AKR1B10: variants seen among roughly 807,000 people sequenced by gnomAD.
AKR1B10 encodes the protein aldo-keto reductase family 1 member B10.
In AKR1B10, 39 loss-of-function variants were observed where a neutral mutation model predicts 38.9. That is an observed-to-expected ratio of 1.00 (90% CI 0.78 to 1.31). AKR1B10 has a LOEUF of 1.31. AKR1B10 is among the 50% of genes most tolerant of loss of function. The pLI is 0.00. For synonymous variants in AKR1B10, 148 were observed against 141.2 expected, an observed-to-expected ratio of 1.05 and a Z score of -0.34; for missense variants, 361 against 382.6, an observed-to-expected ratio of 0.94 and a Z score of 0.47.
chr7:134,533,259 T>G (rs534524457), intron 4 of AKR1B10, among the ~76,000 whole-genome samples, 178 bp downstream of exon 4: 2 of 152,308 alleles, frequency 1.3e-5, no homozygotes, highest in African/African-American at 4.8e-5. Context: ...TGATACTATT[T>G]ATATTTCAAG....
chr7:134,528,792 G>A (rs746101356), intron 1 of AKR1B10, among the ~76,000 whole-genome samples: 1 of 152,130 alleles, frequency 6.6e-6, no homozygotes, highest in Non-Finnish European at 1.5e-5. Context: ...CAGAGTCTCA[G>A]GCTCCAACCC....
At position 134,532,811 on chromosome 7, in the gene AKR1B10, T is replaced by A. The variant is rs992901044; in HGVS notation, c.352-193T>A. On this transcript the variant is annotated intron_variant, in intron 3 of 9. Coordinates refer to ENST00000359579, the MANE Select transcript of AKR1B10 (RefSeq NM_020299.5). ...AAATCTTAAAGTCAAGCCAGTCGTT[T>A]CTAAAATATTAGTATGCTACAGTAG... Among the ~76,000 whole-genome samples, 7 of 152,214 alleles carry A rather than the reference T, an allele frequency of 4.6e-5. 1 individual carries two copies. Among genetic ancestry groups the A allele is most frequent in the Admixed American group, 3.9e-4 (6 of 15,280 alleles).
At chr7:134,539,248 T>C (rs1808088468) in intron 9 of AKR1B10, among the ~76,000 whole-genome samples, 1 of 152,140 alleles carries the variant, frequency 6.6e-6, no homozygotes, top group South Asian at 2.1e-4. Flanking sequence ...TAACAGAAGG[T>C]GGGTTGTCAA....
rs376944582 is a variant in AKR1B10 at position 134,536,792 on chromosome 7, A to T, written c.552+20A>T. On this transcript the variant is annotated intron_variant, in intron 5 of 9. Transcript: ENST00000359579. ...AACCAGGTAAATTCTATTCAGTTTA[A>T]GGGTAAGGGTCCTGCCCTATTACTT... The T allele has an allele frequency of 6.2e-7, 1 of 1,613,566 alleles. No individual in the cohort carries two copies. Among genetic ancestry groups the T allele is most frequent in the African/African-American group, 1.3e-5 (1 of 74,904 alleles).
chr7:134,530,377 A>G (rs1477215132), intron 1 of AKR1B10, among the ~76,000 whole-genome samples: 2 of 152,210 alleles, frequency 1.3e-5, no homozygotes, highest in Non-Finnish European at 2.9e-5. Flanking sequence ...AAAGTTTTGT[A>G]AAGTGTGTAT....
intron 5 of AKR1B10, 37 bp from the exon 6 acceptor site, chr7:134,537,014 C>T (rs781175644): frequency 2.1e-5 from 32 of 1,555,590 alleles, no homozygotes; most frequent in Middle Eastern, 1.7e-4. Flanking sequence ...AAAACAGAGC[C>T]GGCTTTCCCC....
chr7:134,532,116 G>T (rs2117540615), intron 3 of AKR1B10, 92 bp downstream of exon 3: 1 of 1,467,772 alleles, frequency 6.8e-7, no homozygotes. Flanking sequence ...GTGGACTGGG[G>T]CAGGAGGCCT....
chr7:134,528,551 C>T lies in AKR1B10; in HGVS notation c.66+574C>T, dbSNP rs112695543. 5.6e-3 allele frequency among the ~76,000 whole-genome samples: 853 copies of T among 152,224 alleles called. 4 individuals carry two copies. The highest frequency in any genetic ancestry group is 0.019 in the African/African-American group (809 of 41,536). On this transcript the variant is annotated intron_variant, in intron 1 of 9. Coordinates refer to ENST00000359579, the MANE Select transcript of AKR1B10 (RefSeq NM_020299.5). ...CCAGCCTGGGCAACATGGCAAGAAT[C>T]CATTTCTACAAAAAATAAATAAATT...
At chr7:134,537,509 T>C in intron 6 of AKR1B10, 71 bp from the exon 7 acceptor site, 1 of 1,517,326 alleles carries the variant, frequency 6.6e-7, no homozygotes, top group South Asian at 1.1e-5. Context: ...CTTGAGACCC[T>C]CATTGGAGTG....
chr7:134,536,666 T>C lies in AKR1B10; in HGVS notation c.446T>C (p.Val149Ala), dbSNP rs1257069883. The change falls in exon 5 of 10, where the codon GTG (valine) becomes GCG (alanine). Residue 149 changes from valine (V) to alanine (A), a missense_variant. Transcript: ENST00000359579. ...LDAWEAMEEL[V>A]DEGLVKALGV... ...CTATGATAGGCCATGGAGGAGCTGG[T>C]GGATGAGGGGCTGGTGAAAGCCCTT... The C allele has an allele frequency of 3.1e-6, 5 of 1,613,850 alleles. No individual in the cohort carries two copies. Among genetic ancestry groups the C allele is most frequent in the Non-Finnish European group, 8.5e-7 (1 of 1,179,802 alleles).
intron 8 of AKR1B10, 25 bp from the exon 9 acceptor site, chr7:134,538,909 AT>A: frequency 6.2e-7 from 1 of 1,613,612 alleles, no homozygotes; most frequent in Non-Finnish European, 8.5e-7. Context: ...CTTACTGATG[AT>A]GTATTGGAAC....
chr7:134,533,686 A>C (rs1409939768), intron 4 of AKR1B10, among the ~76,000 whole-genome samples: 1 of 152,220 alleles, frequency 6.6e-6, no homozygotes, highest in Non-Finnish European at 1.5e-5. Context: ...TCTGAATCAC[A>C]AGTCCAACCA....
chr7:134,532,852 T>G (rs1478881008), intron 3 of AKR1B10, 152 bp from the exon 4 acceptor site: 3 of 617,958 alleles, frequency 4.9e-6, no homozygotes, highest in Non-Finnish European at 8.5e-6. Flanking sequence ...GAGATTTTAA[T>G]TAAACTCACA....
intron 1 of AKR1B10, among the ~76,000 whole-genome samples, chr7:134,528,596 C>T (rs949805887): frequency 7.2e-5 from 11 of 152,110 alleles, no homozygotes; most frequent in Non-Finnish European, 1.5e-4. Flanking sequence ...TGGTGGCACG[C>T]ACCTGTAGTC....
At chr7:134,533,221 C>T (rs1807911363) in intron 4 of AKR1B10, 140 bp downstream of exon 4, 1 of 689,556 alleles carries the variant, frequency 1.5e-6, no homozygotes, top group Non-Finnish European at 2.4e-6. Context: ...TAATATCTTC[C>T]TCATCACCTT....
intron 9 of AKR1B10, among the ~76,000 whole-genome samples, chr7:134,540,204 C>T (rs1051602142): frequency 9.9e-5 from 15 of 151,118 alleles, no homozygotes; most frequent in African/African-American, 2.7e-4. Context: ...GGTGACAGCG[C>T]GAGACTCTGT....
intron 5 of AKR1B10, 130 bp downstream of exon 5, chr7:134,536,902 G>T (rs1382917329): frequency 8.9e-6 from 14 of 1,577,242 alleles, no homozygotes; most frequent in Non-Finnish European, 1.2e-5. Flanking sequence ...GGGGAGGTGT[G>T]AGGCTGATCT....
intron 4 of AKR1B10, chr7:134,535,679 T>G (rs2117548209): frequency 1.0e-6 from 1 of 984,490 alleles, no homozygotes; most frequent in Non-Finnish European, 1.2e-6. Flanking sequence ...TATCTCTTCT[T>G]TCTCTGCCCT....
chr7:134,537,729 G>A (rs1217241861), intron 7 of AKR1B10, 68 bp downstream of exon 7: 1 of 1,578,328 alleles, frequency 6.3e-7, no homozygotes, highest in African/African-American at 1.4e-5. Flanking sequence ...CATATCCTGT[G>A]TTGTCCTCAA....
Sources: gnomAD v4.1 joint callset for allele counts (sites outside exome capture counted in the v4.1 genomes callset) on GRCh38, gnomAD v4.1.1 for gene constraint, MANE v1.5 for transcripts, NCBI Gene and HGNC (gene_info 2026-07-23, HGNC 2026-07-21) for gene names.